The following SLC25A13 variants were observed in gnomAD, a reference collection of about 807,000 sequenced individuals.
SLC25A13 encodes solute carrier family 25 member 13.
A neutral mutation model predicts 85.5 loss-of-function variants in SLC25A13; 70 were observed. The observed-to-expected ratio is 0.82, with a 90% confidence interval of 0.68 to 1.00. The LOEUF (loss-of-function observed/expected upper bound fraction) is 1.00, where lower values mean the gene tolerates loss of function less well. Ranked by LOEUF, SLC25A13 falls within the 50% of genes least tolerant of loss-of-function variation. The pLI, the probability that SLC25A13 is intolerant of heterozygous loss-of-function variation, is 0.00. For missense variants in SLC25A13, 765 were observed against 819.8 expected (o/e 0.93, Z 0.82); for synonymous variants, 259 against 288.7 (o/e 0.90, Z 1.04).
At chr7:96,196,058 A>G (rs1481295201) in intron 5 of SLC25A13, among the ~76,000 whole-genome samples, 1 of 152,244 alleles carries the variant, frequency 6.6e-6, no homozygotes, top group Non-Finnish European at 1.5e-5. Flanking sequence ...TAGGTGCTCA[A>G]TAAATGACAG....
At chr7:96,181,959 C>T (rs1226336081) in intron 11 of SLC25A13, among the ~76,000 whole-genome samples, 1 of 152,110 alleles carries the variant, frequency 6.6e-6, no homozygotes, top group Non-Finnish European at 1.5e-5. Context: ...TGACTTTGTA[C>T]ATAAAGGTGA....
chr7:96,190,961 C>A, intron 7 of SLC25A13, 148 bp downstream of exon 7: 5 of 1,044,988 alleles, frequency 4.8e-6, no homozygotes, highest in Non-Finnish European at 5.8e-6. Context: ...TTTTGTTTGT[C>A]TGATCAAAGG....
chr7:96,176,989 C>T (rs1935457642), intron 11 of SLC25A13, among the ~76,000 whole-genome samples: 1 of 152,104 alleles, frequency 6.6e-6, no homozygotes, highest in South Asian at 2.1e-4. Context: ...AACAAGGGTG[C>T]TACTTACTAT....
intron 11 of SLC25A13, among the ~76,000 whole-genome samples, chr7:96,179,640 G>C (rs867604839): frequency 6.6e-6 from 1 of 152,152 alleles, no homozygotes; most frequent in African/African-American, 2.4e-5. Flanking sequence ...CATGTCTTCT[G>C]ATATTTTTAT....
At chr7:96,123,864 G>A (rs937749704) in intron 15 of SLC25A13, among the ~76,000 whole-genome samples, 2 of 152,200 alleles carry the variant, frequency 1.3e-5, no homozygotes, top group African/African-American at 4.8e-5. Context: ...GGGACGTCTG[G>A]TAGATCTGCC....
intron 2 of SLC25A13, among the ~76,000 whole-genome samples, chr7:96,288,332 C>A (rs1798971419): frequency 6.6e-6 from 1 of 152,162 alleles, no homozygotes; most frequent in African/African-American, 2.4e-5. Context: ...GTCTACAGCT[C>A]CCAGCGTGAG....
At chr7:96,213,404 C>T (rs1490179710) in intron 4 of SLC25A13, among the ~76,000 whole-genome samples, 1 of 152,188 alleles carries the variant, frequency 6.6e-6, no homozygotes, top group Non-Finnish European at 1.5e-5. Flanking sequence ...AGTCCCAGCT[C>T]TCATTTTATA....
chr7:96,178,328 A>C (rs1794301910), intron 11 of SLC25A13, among the ~76,000 whole-genome samples: 1 of 152,204 alleles, frequency 6.6e-6, no homozygotes, highest in African/African-American at 2.4e-5. Context: ...CTACCAAGGA[A>C]GAAACTTGGT....
At chr7:96,278,535 G>A (rs1333959482) in intron 2 of SLC25A13, among the ~76,000 whole-genome samples, 1 of 152,228 alleles carries the variant, frequency 6.6e-6, no homozygotes, top group Non-Finnish European at 1.5e-5. Flanking sequence ...CCTCAGGTAA[G>A]TAACTAAAGC....
At chr7:96,123,176 G>T (rs952195200) in intron 15 of SLC25A13, among the ~76,000 whole-genome samples, 4 of 152,054 alleles carry the variant, frequency 2.6e-5, no homozygotes, top group Non-Finnish European at 5.9e-5. Flanking sequence ...CATGCAAAAA[G>T]CTCACTTTAT....
intron 2 of SLC25A13, among the ~76,000 whole-genome samples, chr7:96,278,374 C>T (rs1798539273): frequency 6.6e-6 from 1 of 152,208 alleles, no homozygotes; most frequent in Non-Finnish European, 1.5e-5. Flanking sequence ...TCTCTCTAAT[C>T]TGAGTTAAAC....
At chr7:96,169,673 C>T (rs1314757543) in intron 13 of SLC25A13, among the ~76,000 whole-genome samples, 1 of 152,156 alleles carries the variant, frequency 6.6e-6, no homozygotes, top group Admixed American at 6.5e-5. Flanking sequence ...CTTCAGACTA[C>T]AAGTTTTAGT....
chr7:96,264,076 C>CT (rs1797955231), intron 3 of SLC25A13, among the ~76,000 whole-genome samples: 1 of 152,148 alleles, frequency 6.6e-6, no homozygotes, highest in East Asian at 1.9e-4. Flanking sequence ...ATCATAATTA[C>CT]TCCCTTGCAC....
At chr7:96,136,708 A>G (rs771667230) in intron 14 of SLC25A13, among the ~76,000 whole-genome samples, 9 of 152,162 alleles carry the variant, frequency 5.9e-5, no homozygotes, top group Non-Finnish European at 1.3e-4. Flanking sequence ...ACACAGCTCT[A>G]AACAGACTAT....
intron 4 of SLC25A13, among the ~76,000 whole-genome samples, chr7:96,215,306 A>C (rs1305864628): frequency 6.6e-6 from 1 of 152,154 alleles, no homozygotes; most frequent in Non-Finnish European, 1.5e-5. Context: ...CATGTTGGTC[A>C]GGCTGGTCTC....
chr7:96,221,137 T>G (rs983122833), intron 4 of SLC25A13, among the ~76,000 whole-genome samples: 1 of 152,212 alleles, frequency 6.6e-6, no homozygotes, highest in Non-Finnish European at 1.5e-5. Flanking sequence ...TGGTCAATCG[T>G]GCAAATCCGT....
rs1444852352 is a variant in SLC25A13 at position 96,120,408 on chromosome 7, C to T, written c.*783G>A. The T allele has an allele frequency of 4.2e-5, 19 of 454,020 alleles. No homozygotes were observed. Among genetic ancestry groups the T allele is most frequent in the Non-Finnish European group, 8.4e-5 (19 of 226,778 alleles). The allele number at this position is 454,020 out of a possible 1,614,324, so 28.1% of individuals were successfully genotyped here. On this transcript the variant is annotated 3_prime_UTR_variant, in exon 18 of 18. Coordinates refer to ENST00000265631, the MANE Select transcript of SLC25A13 (RefSeq NM_014251.3). ...GAGAATAGGGCAGGCAGCAACAGGG[C>T]AACATGCATTTTTCAAGAGTGTTTA...
At chr7:96,263,764 C>T (rs961080968) in intron 3 of SLC25A13, among the ~76,000 whole-genome samples, 1 of 152,134 alleles carries the variant, frequency 6.6e-6, no homozygotes, top group Non-Finnish European at 1.5e-5. Context: ...ATTACATTAA[C>T]TCATCTCCTC....
At chr7:96,311,364 C>A (rs1219239079) in intron 1 of SLC25A13, among the ~76,000 whole-genome samples, 1 of 152,006 alleles carries the variant, frequency 6.6e-6, no homozygotes, top group Non-Finnish European at 1.5e-5. Flanking sequence ...AGTATTCTAG[C>A]CAAAACCAAA....
Sources: allele counts gnomAD v4.1 joint callset (sites outside exome capture counted in the v4.1 genomes callset), GRCh38; gene constraint gnomAD v4.1.1; transcripts MANE v1.5; gene names NCBI Gene and HGNC (gene_info 2026-07-23, HGNC 2026-07-21).